KIAA0319L: variants seen among roughly 807,000 people sequenced by gnomAD.
KIAA0319L encodes dyslexia-associated protein KIAA0319-like protein.
A neutral mutation model predicts 120.1 loss-of-function variants in KIAA0319L; 55 were observed. The ratio of observed to expected loss-of-function variants is 0.46; its 90% confidence interval spans 0.37 to 0.57. KIAA0319L has a LOEUF of 0.57. Among genes scored for constraint, KIAA0319L ranks in the 20% least tolerant of loss-of-function variants. KIAA0319L has a pLI of 0.00. For synonymous variants in KIAA0319L, 398 were observed against 471.9 expected (o/e 0.84, Z 2.03); for missense variants, 1,049 against 1,255.3 (o/e 0.84, Z 2.48).
At chr1:35,471,698 G>C (rs1643633306) in intron 5 of KIAA0319L, among the ~76,000 whole-genome samples, 1 of 152,052 alleles carries the variant, frequency 6.6e-6, no homozygotes, top group Non-Finnish European at 1.5e-5. Flanking sequence ...GGAGGACTTT[G>C]GTAGGAAGGT....
At chr1:35,491,197 G>A (rs776263040) in intron 3 of KIAA0319L, among the ~76,000 whole-genome samples, 1 of 152,014 alleles carries the variant, frequency 6.6e-6, no homozygotes, top group Non-Finnish European at 1.5e-5. Flanking sequence ...ACACAGAGAC[G>A]AAAAAAGACT....
chr1:35,448,464 A>G, intron 15 of KIAA0319L, 132 bp from the exon 16 acceptor site: 2 of 900,858 alleles, frequency 2.2e-6, no homozygotes, highest in South Asian at 1.6e-5. Context: ...GAAAGGGACA[A>G]TAGTGAATTC....
Position 35,461,835 on chromosome 1 carries a change from C to G in KIAA0319L, c.1294+786G>C, listed in dbSNP as rs922008603. 1.1e-3 allele frequency among the ~76,000 whole-genome samples: 163 copies of G among 152,136 alleles called. 1 individual carries two copies. The highest frequency in any genetic ancestry group is 3.8e-3 in the African/African-American group (158 of 41,428). On this transcript the variant is annotated intron_variant, in intron 8 of 20. Coordinates refer to ENST00000325722, the MANE Select transcript of KIAA0319L (RefSeq NM_024874.5). ...TCCTGGCCTACTATCATCCTCCTAG[C>G]CTCCTCTTCTTGCCAGCACCATCAA...
chr1:35,469,352 C>T (rs1050141233), intron 6 of KIAA0319L, among the ~76,000 whole-genome samples: 3 of 152,178 alleles, frequency 2.0e-5, no homozygotes, highest in African/African-American at 7.2e-5. Flanking sequence ...GTCTTATCTC[C>T]TCCAATCTGT....
intron 3 of KIAA0319L, among the ~76,000 whole-genome samples, chr1:35,505,354 T>C (rs1385646790): frequency 6.6e-6 from 1 of 152,156 alleles, no homozygotes; most frequent in African/African-American, 2.4e-5. Context: ...TTACCACCAT[T>C]AACCCCACCC....
intron 2 of KIAA0319L, among the ~76,000 whole-genome samples, chr1:35,525,493 G>A (rs1646090569): frequency 1.3e-5 from 2 of 151,838 alleles, no homozygotes; most frequent in African/African-American, 2.4e-5. Flanking sequence ...TCTTTTTTCC[G>A]CATACTCGCC....
At chr1:35,521,223 AG>A (rs1645896287) in intron 2 of KIAA0319L, among the ~76,000 whole-genome samples, 1 of 152,136 alleles carries the variant, frequency 6.6e-6, no homozygotes, top group Admixed American at 6.6e-5. Flanking sequence ...CTGTAATCCC[AG>A]CAACTGGGGG....
At chr1:35,473,438 T>G (rs1643762899) in intron 5 of KIAA0319L, among the ~76,000 whole-genome samples, 1 of 152,102 alleles carries the variant, frequency 6.6e-6, no homozygotes, top group South Asian at 2.1e-4. Context: ...GAAACACTGA[T>G]CTACAAAATG....
rs139725127 is a variant in KIAA0319L at position 35,443,009 on chromosome 1, G to A, written c.2676C>T (p.Ser892=). The change falls in exon 18 of 21, where the codon TCC becomes TCT. Residue 892 remains serine, a synonymous_variant. Coordinates refer to ENST00000325722, the MANE Select transcript of KIAA0319L (RefSeq NM_024874.5). ...VNTVTCQLNC[S]DHGHCDSFTK... Reference sequence around the variant, plus strand: ...TGAACGAGTCACAGTGGCCATGGTCGGAACAGTTCAGCTGACATGCTGAGA... The same window carrying A: ...TGAACGAGTCACAGTGGCCATGGTCAGAACAGTTCAGCTGACATGCTGAGA... The A allele has an allele frequency of 3.7e-6, 6 of 1,614,168 alleles. No homozygotes were observed. Among genetic ancestry groups the A allele is most frequent in the South Asian group, 1.1e-5 (1 of 91,080 alleles).
intron 2 of KIAA0319L, among the ~76,000 whole-genome samples, chr1:35,552,087 G>A (rs1173051781): frequency 1.3e-5 from 2 of 151,926 alleles, no homozygotes; most frequent in African/African-American, 2.4e-5. Context: ...GCTCACGCCT[G>A]TAATCCCAGC....
chr1:35,496,947 CAAA>C (rs754043280), intron 3 of KIAA0319L, among the ~76,000 whole-genome samples: 3 of 50,210 alleles, frequency 6.0e-5, no homozygotes, highest in African/African-American at 8.4e-5. Flanking sequence ...ATTGTGTCTC[CAAA>C]AAAAAAAAAA....
At position 35,460,275 on chromosome 1, in the gene KIAA0319L, T is replaced by C. The variant is rs771086966; in HGVS notation, c.1427+30A>G. 27 of 1,596,844 alleles carry C rather than the reference T, an allele frequency of 1.7e-5. No homozygotes were observed. In the South Asian group the frequency reaches 2.9e-4, roughly 17 times the overall value. ...CCACGAGAGGCAAAAAAATGGCCTA[T>C]GGTAAACTTGAAGCTGAATCCTAAT... On this transcript the variant is annotated intron_variant, in intron 9 of 20. Coordinates refer to ENST00000325722, the MANE Select transcript of KIAA0319L (RefSeq NM_024874.5).
At position 35,434,310 on chromosome 1, in the gene KIAA0319L, A is replaced by G. The variant is rs1365112480; in HGVS notation, c.*584T>C. The G allele has an allele frequency of 1.3e-5, 2 of 151,136 alleles. No homozygotes were observed. The highest frequency in any genetic ancestry group is 2.9e-5 in the Non-Finnish European group (2 of 67,916). 9.4% of individuals were successfully genotyped at this position (151,136 alleles called of 1,614,324 possible). A position where few individuals can be genotyped will look rare whatever the true frequency, so the allele number is the denominator to read the frequency against. On this transcript the variant is annotated 3_prime_UTR_variant, in exon 21 of 21. Transcript: ENST00000325722. Reference sequence around the variant, plus strand: ...CACCGTGTTAGCCAGGGTGGTCTTGATCTCCTGACCTCATGATCCGCCCGC... The same window carrying G: ...CACCGTGTTAGCCAGGGTGGTCTTGGTCTCCTGACCTCATGATCCGCCCGC...
intron 2 of KIAA0319L, among the ~76,000 whole-genome samples, chr1:35,527,406 T>G (rs1646191814): frequency 6.6e-6 from 1 of 152,138 alleles, no homozygotes; most frequent in African/African-American, 2.4e-5. Context: ...TTCATAGAAT[T>G]ATGAAGAATT....
In KIAA0319L at chr1:35,515,312, C is replaced by CA. The variant is rs765616874; in HGVS notation, c.143-8178dup. Reference sequence around the variant, plus strand: ...GGACAAAAAGAGTGAAACTCCATCTCAAAAAAAAAAAAAAAAGAACCAAAA... The same window carrying CA: ...GGACAAAAAGAGTGAAACTCCATCTCAAAAAAAAAAAAAAAAAGAACCAAAA... On this transcript the variant is annotated intron_variant, in intron 2 of 20. Coordinates refer to ENST00000325722, the MANE Select transcript of KIAA0319L (RefSeq NM_024874.5). Among the ~76,000 whole-genome samples the CA allele has an allele frequency of 7.0e-3, 472 of 67,254 alleles. 2 individuals carry two copies. Among genetic ancestry groups the CA allele is most frequent in the African/African-American group, 0.017 (309 of 18,502 alleles). 44.1% of individuals were successfully genotyped at this position (67,254 alleles called of 152,430 possible).
intron 9 of KIAA0319L, among the ~76,000 whole-genome samples, chr1:35,458,204 G>A (rs1306705207): frequency 6.6e-6 from 1 of 152,212 alleles, no homozygotes; most frequent in East Asian, 1.9e-4. Context: ...CCAAAGTGAT[G>A]GGATTACAGG....
At chr1:35,523,326 T>C (rs1229100129) in intron 2 of KIAA0319L, among the ~76,000 whole-genome samples, 1 of 152,244 alleles carries the variant, frequency 6.6e-6, no homozygotes, top group African/African-American at 2.4e-5. Context: ...CATCTTCTTT[T>C]ATTCTTTTAC....
chr1:35,510,176 G>A (rs1171779136), intron 2 of KIAA0319L: 2 of 152,102 alleles, frequency 1.3e-5, no homozygotes, highest in African/African-American at 2.4e-5. Context: ...TAAATATAAA[G>A]AATGTGGAAT....
At chr1:35,442,397 CT>C (rs1641291949) in intron 18 of KIAA0319L, 61 bp from the exon 19 acceptor site, 2 of 1,288,500 alleles carry the variant, frequency 1.6e-6, no homozygotes, top group South Asian at 2.4e-5. Context: ...GAGGTCTGGG[CT>C]GCTCCCAGCT....
Sources: gnomAD v4.1 joint callset for allele counts (sites outside exome capture counted in the v4.1 genomes callset) on GRCh38, gnomAD v4.1.1 for gene constraint, MANE v1.5 for transcripts, NCBI Gene and HGNC (gene_info 2026-07-23, HGNC 2026-07-21) for gene names.